ANTXR1: variants seen among roughly 807,000 people sequenced by gnomAD.
ANTXR1 encodes ANTXR cell adhesion molecule 1, also known as anthrax toxin receptor 1.
In ANTXR1, 19 loss-of-function variants were observed where a neutral mutation model predicts 78.1. That is an observed-to-expected ratio of 0.24 (90% CI 0.17 to 0.36). ANTXR1 has a LOEUF of 0.36. Ranked by LOEUF, ANTXR1 falls within the 10% of genes least tolerant of loss-of-function variation. ANTXR1 has a pLI of 1.00. For missense variants in ANTXR1, 518 were observed against 718.6 expected (o/e 0.72, Z 3.19); for synonymous variants, 273 against 260.5 (o/e 1.05, Z -0.46).
At chr2:69,036,829 G>A (rs1017113021) in intron 1 of ANTXR1, among the ~76,000 whole-genome samples, 29 of 152,170 alleles carry the variant, frequency 1.9e-4, no homozygotes, top group African/African-American at 7.0e-4. Context: ...GGCCATCTCT[G>A]CCAGATCACC....
At chr2:69,120,353 T>C (rs1573903218) in intron 10 of ANTXR1, among the ~76,000 whole-genome samples, 1 of 152,166 alleles carries the variant, frequency 6.6e-6, no homozygotes, top group East Asian at 1.9e-4. Context: ...TCATCACCGA[T>C]GGAAGGACAT....
At chr2:69,244,722 T>C (rs930968309) in intron 17 of ANTXR1, among the ~76,000 whole-genome samples, 1 of 152,238 alleles carries the variant, frequency 6.6e-6, no homozygotes, top group African/African-American at 2.4e-5. Context: ...AATAAATTAC[T>C]TTTGTTTATG....
chr2:69,071,108 G>A (rs4319964), intron 4 of ANTXR1, among the ~76,000 whole-genome samples: 4,773 of 151,988 alleles, frequency 0.031, 248 homozygotes, highest in African/African-American at 0.11. Context: ...ACATCAATCC[G>A]TGCTGACAAC....
intron 3 of ANTXR1, among the ~76,000 whole-genome samples, chr2:69,058,857 C>T (rs1670149204): frequency 6.6e-6 from 1 of 152,174 alleles, no homozygotes; most frequent in Non-Finnish European, 1.5e-5. Flanking sequence ...AAAATATCGA[C>T]ATTAACAGCA....
At chr2:69,171,092 G>C (rs1395473459) in intron 14 of ANTXR1, among the ~76,000 whole-genome samples, 2 of 152,218 alleles carry the variant, frequency 1.3e-5, no homozygotes, top group Non-Finnish European at 2.9e-5. Context: ...AGATTGATAA[G>C]GTTTCAAGTT....
intron 17 of ANTXR1, among the ~76,000 whole-genome samples, chr2:69,217,527 T>C (rs1675207485): frequency 6.6e-6 from 1 of 152,246 alleles, no homozygotes; most frequent in South Asian, 2.1e-4. Context: ...TTTTGACTAA[T>C]GACCCACTCT....
chr2:69,142,745 G>A (rs1166074908), intron 12 of ANTXR1, among the ~76,000 whole-genome samples: 2 of 151,746 alleles, frequency 1.3e-5, no homozygotes, highest in East Asian at 3.9e-4. Flanking sequence ...AGTGTCTCAG[G>A]GAGAAGAAGA....
At chr2:69,046,929 A>G (rs1221487222) in intron 3 of ANTXR1, among the ~76,000 whole-genome samples, 1 of 152,240 alleles carries the variant, frequency 6.6e-6, no homozygotes. Flanking sequence ...ATTGGCAAAG[A>G]CTTTCATTTC....
In ANTXR1 at chr2:69,230,156, T is replaced by G. The variant is rs1368315086; in HGVS notation, c.1435-15069T>G. 2.0e-5 allele frequency among the ~76,000 whole-genome samples: 3 copies of G among 151,914 alleles called. No homozygotes were observed. In the East Asian group the frequency reaches 5.9e-4, roughly 30 times the overall value. ...CCTGATCACTTTTCCTAAATCTCCTTTCTCCAACCCTATTTTGTCTTTATT... is the reference window on the plus strand; with the variant it reads ...CCTGATCACTTTTCCTAAATCTCCTGTCTCCAACCCTATTTTGTCTTTATT... On this transcript the variant is annotated intron_variant, in intron 17 of 17. Coordinates refer to ENST00000303714, the MANE Select transcript of ANTXR1 (RefSeq NM_032208.3).
intron 1 of ANTXR1, among the ~76,000 whole-genome samples, chr2:69,025,016 C>A (rs376018538): frequency 2.0e-5 from 3 of 152,236 alleles, no homozygotes; most frequent in Middle Eastern, 3.4e-3. Flanking sequence ...CTATGCATTT[C>A]CAAAACTTCA....
At chr2:69,029,636 A>G (rs1222217198) in intron 1 of ANTXR1, among the ~76,000 whole-genome samples, 1 of 152,086 alleles carries the variant, frequency 6.6e-6, no homozygotes, top group Non-Finnish European at 1.5e-5. Flanking sequence ...TACACATTAA[A>G]TGTTCCAAAA....
At chr2:69,116,546 A>G (rs901533499) in intron 10 of ANTXR1, among the ~76,000 whole-genome samples, 1 of 152,200 alleles carries the variant, frequency 6.6e-6, no homozygotes, top group African/African-American at 2.4e-5. Context: ...CTGAACAGTT[A>G]TATTTGGCTC....
intron 12 of ANTXR1, among the ~76,000 whole-genome samples, chr2:69,134,702 G>C (rs151191347): frequency 6.6e-6 from 1 of 152,278 alleles, no homozygotes; most frequent in African/African-American, 2.4e-5. Flanking sequence ...ATCTAAGAGA[G>C]CTCTGTTGGT....
intron 14 of ANTXR1, among the ~76,000 whole-genome samples, chr2:69,180,584 C>T (rs1422229420): frequency 6.6e-6 from 1 of 152,072 alleles, no homozygotes; most frequent in Non-Finnish European, 1.5e-5. Context: ...AAGTTGCAGA[C>T]ACTTAATTAA....
rs1040241394 is a variant in ANTXR1, at chr2:69,182,541, A to C, written c.1234A>C (p.Lys412Gln). Reference sequence around the variant, plus strand: ...CACAGAAGAAGGTGCTAAGTTGGAAAAGGCAAAGAATGCAAGAGTCAAGAT... The same window carrying C: ...CACAGAAGAAGGTGCTAAGTTGGAACAGGCAAAGAATGCAAGAGTCAAGAT... The part of the protein sequence containing the change: ...GSTEEGAKLE[K>Q]AKNARVKMPE... The change falls in exon 16 of 18, where the codon AAG becomes CAG. Residue 412 changes from lysine to glutamine, a missense_variant. Lys to Gln is a moderately conservative substitution (Grantham distance 53, BLOSUM62 1). Transcript: ENST00000303714. 1 of 1,614,114 alleles carries C rather than the reference A, an allele frequency of 6.2e-7. No homozygotes were observed. Among genetic ancestry groups the C allele is most frequent in the Non-Finnish European group, 8.5e-7 (1 of 1,180,050 alleles).
chr2:69,193,201 A>G, intron 16 of ANTXR1, 134 bp from the exon 17 acceptor site: 1 of 760,290 alleles, frequency 1.3e-6, no homozygotes, highest in Non-Finnish European at 2.4e-6. Flanking sequence ...CAGAGTCACT[A>G]ATCCCATCAT....
chr2:69,105,857 G>A (rs1403784761), intron 10 of ANTXR1, among the ~76,000 whole-genome samples: 1 of 152,136 alleles, frequency 6.6e-6, no homozygotes, highest in Non-Finnish European at 1.5e-5. Flanking sequence ...TGAAGCTAAG[G>A]CTGTGTGGCT....
intron 3 of ANTXR1, among the ~76,000 whole-genome samples, chr2:69,068,437 C>T (rs1670466928): frequency 6.6e-6 from 1 of 152,132 alleles, no homozygotes; most frequent in Non-Finnish European, 1.5e-5. Flanking sequence ...TAACTTGGGA[C>T]TGAAGGCTGG....
At chr2:69,042,657 C>T (rs1206396562) in intron 2 of ANTXR1, among the ~76,000 whole-genome samples, 1 of 152,142 alleles carries the variant, frequency 6.6e-6, no homozygotes, top group Non-Finnish European at 1.5e-5. Flanking sequence ...ACTAGTTTCT[C>T]ACTCATTTGT....
Sources: gnomAD v4.1 joint callset for allele counts (sites outside exome capture counted in the v4.1 genomes callset) on GRCh38, gnomAD v4.1.1 for gene constraint, MANE v1.5 for transcripts, NCBI Gene and HGNC (gene_info 2026-07-23, HGNC 2026-07-21) for gene names.